BMP8A: variants seen among roughly 807,000 people sequenced by gnomAD.
BMP8A encodes the protein bone morphogenetic protein 8a.
In BMP8A, 14 loss-of-function variants were observed where a neutral mutation model predicts 36.8. The observed-to-expected ratio is 0.38, with a 90% confidence interval of 0.25 to 0.60. The LOEUF (loss-of-function observed/expected upper bound fraction) is 0.60. Ranked by LOEUF, BMP8A falls within the 20% of genes least tolerant of loss-of-function variation. BMP8A has a pLI of 0.63. For synonymous variants in BMP8A, 120 were observed against 237.7 expected (o/e 0.50, Z 4.55); for missense variants, 267 against 551.1 (o/e 0.48, Z 5.16).
At chr1:39,523,559 CA>C in intron 6 of BMP8A, 1 of 1,388,262 alleles carries the variant, frequency 7.2e-7, no homozygotes, top group Non-Finnish European at 9.4e-7. Flanking sequence ...TGCACTCACC[CA>C]CCTGTGCCGC....
intron 1 of BMP8A, among the ~76,000 whole-genome samples, chr1:39,499,541 T>G (rs1301154700): frequency 1.3e-5 from 2 of 152,248 alleles, no homozygotes; most frequent in African/African-American, 4.8e-5. Context: ...GAGCCCTTGT[T>G]GATGTCGAAC....
intron 1 of BMP8A, among the ~76,000 whole-genome samples, chr1:39,498,831 C>T (rs1454609650): frequency 2.0e-5 from 3 of 151,980 alleles, no homozygotes; most frequent in Non-Finnish European, 2.9e-5. Context: ...GGGGCCAGGC[C>T]GGGAGAGGAG....
At position 39,522,426 on chromosome 1, in the gene BMP8A, C is replaced by A; in HGVS notation, c.892C>A (p.Arg298=). 3.7e-6 allele frequency: 6 copies of A among 1,610,586 alleles called. No individual in the cohort carries two copies. Among genetic ancestry groups the A allele is most frequent in the Non-Finnish European group, 4.2e-6 (5 of 1,178,832 alleles). The part of the protein sequence containing the change: ...IFDDVRGSHG[R]QVCRRHELYV... The stretch of plus-strand genomic sequence containing the variant: ...AGATGACGTCCGCGGCTCCCACGGC[C>A]GGCAGGTCTGCCGTCGGCACGAGCT... Residue 298 remains arginine, a synonymous_variant, in exon 5 of 7, where the codon CGG becomes AGG. Coordinates refer to ENST00000331593, the MANE Select transcript of BMP8A (RefSeq NM_181809.4).
chr1:39,514,726 C>CG (rs1645381996), intron 3 of BMP8A, among the ~76,000 whole-genome samples: 2 of 152,164 alleles, frequency 1.3e-5, no homozygotes, highest in South Asian at 4.1e-4. Flanking sequence ...GTCCTGCGCC[C>CG]GGGCCTGTGC....
chr1:39,523,356 G>A (rs1427648775), intron 6 of BMP8A, among the ~76,000 whole-genome samples: 1 of 152,234 alleles, frequency 6.6e-6, no homozygotes. Context: ...AGTCGCGTAT[G>A]CATGCCTGTT....
intron 1 of BMP8A, among the ~76,000 whole-genome samples, chr1:39,500,632 CAA>C (rs34380723): frequency 1.2e-4 from 12 of 102,248 alleles, no homozygotes; most frequent in East Asian, 3.2e-4. Flanking sequence ...GAGTAATTTA[CAA>C]AAAAAAAAAA....
rs1268830575 is a variant in BMP8A at position 39,523,053 on chromosome 1, G to C, written c.995G>C (p.Gly332Ala). Residue 332 changes from glycine to alanine, a missense_variant, in exon 6 of 7, where the codon GGG (glycine) becomes GCG (alanine). Around this residue, in one of 7 missense-constraint regions of BMP8A, gnomAD observed 132 missense variants for 151.3 expected, o/e 0.87. Transcript: ENST00000331593. Reference sequence around the variant, plus strand: ...GGCTACTCAGCCTATTACTGTGAGGGGGAGTGCTCCTTCCCGCTGGACTCC... The same window carrying C: ...GGCTACTCAGCCTATTACTGTGAGGCGGAGTGCTCCTTCCCGCTGGACTCC... ...PQGYSAYYCE[G>A]ECSFPLDSCM... 1.2e-6 allele frequency: 2 copies of C among 1,613,744 alleles called. No homozygotes were observed. Among genetic ancestry groups the C allele is most frequent in the African/African-American group, 1.3e-5 (1 of 74,890 alleles).
At chr1:39,510,830 C>T (rs148499567) in intron 1 of BMP8A, among the ~76,000 whole-genome samples, 8 of 152,208 alleles carry the variant, frequency 5.3e-5, no homozygotes, top group Non-Finnish European at 1.0e-4. Context: ...AGCCTGGAAG[C>T]TCCCAGAGGA....
chr1:39,528,727 A>C lies in BMP8A; in HGVS notation c.*2929A>C, dbSNP rs1217102606. ...TTTTTTTTTTTTTTTAAAGACATACATGGTCTTGCTTTGTCGCCCAGGCTG... is the reference window on the plus strand; with the variant it reads ...TTTTTTTTTTTTTTTAAAGACATACCTGGTCTTGCTTTGTCGCCCAGGCTG... On this transcript the variant is annotated 3_prime_UTR_variant, in exon 7 of 7. Coordinates refer to ENST00000331593, the MANE Select transcript of BMP8A (RefSeq NM_181809.4). 6.8e-6 allele frequency among the ~76,000 whole-genome samples: 1 copy of C among 147,918 alleles called. No individual in the cohort carries two copies. The highest frequency in any genetic ancestry group is 1.5e-5 in the Non-Finnish European group (1 of 67,334).
intron 1 of BMP8A, among the ~76,000 whole-genome samples, chr1:39,496,133 GT>G (rs1645203311): frequency 6.6e-6 from 1 of 152,144 alleles, no homozygotes; most frequent in Admixed American, 6.5e-5. Context: ...ACTTCCTTTG[GT>G]TCTTTACCAG....
intron 3 of BMP8A, chr1:39,516,201 G>T: frequency 1.6e-6 from 1 of 611,980 alleles, no homozygotes; most frequent in Non-Finnish European, 2.5e-6. Flanking sequence ...GGCATGGGCG[G>T]TGCCATGGAC....
intron 3 of BMP8A, among the ~76,000 whole-genome samples, chr1:39,518,173 A>T (rs553505720): frequency 6.6e-6 from 1 of 152,104 alleles, no homozygotes; most frequent in Non-Finnish European, 1.5e-5. Context: ...CATGCACTGC[A>T]TAAGTGTAGC....
At chr1:39,525,263 A>G in intron 6 of BMP8A, 1 of 191,950 alleles carries the variant, frequency 5.2e-6, no homozygotes, top group Admixed American at 6.2e-5. Context: ...AAGGGCTATA[A>G]GAAGACAGTG....
At chr1:39,501,896 A>T (rs753357840) in intron 1 of BMP8A, among the ~76,000 whole-genome samples, 1 of 152,218 alleles carries the variant, frequency 6.6e-6, no homozygotes, top group Non-Finnish European at 1.5e-5. Context: ...TTCAGGTCTG[A>T]TCTTAGAGTA....
At chr1:39,514,975 T>C in intron 3 of BMP8A, 3 of 1,526,160 alleles carry the variant, frequency 2.0e-6, no homozygotes, top group Non-Finnish European at 2.6e-6. Flanking sequence ...CTGCGGCTCC[T>C]GGCGTCAGTG....
chr1:39,513,922 C>A (rs1645377120), intron 3 of BMP8A, among the ~76,000 whole-genome samples: 1 of 151,986 alleles, frequency 6.6e-6, no homozygotes, highest in South Asian at 2.1e-4. Context: ...AGGGAGGGAG[C>A]AGGACACCTG....
chr1:39,509,014 A>G (rs1180580521), intron 1 of BMP8A, among the ~76,000 whole-genome samples: 1 of 152,072 alleles, frequency 6.6e-6, no homozygotes, highest in Non-Finnish European at 1.5e-5. Context: ...GCGGGGAGGG[A>G]GGCCACAGCA....
Position 39,492,094 on chromosome 1 carries a change from C to T in BMP8A, c.103C>T (p.Arg35Cys), listed in dbSNP as rs1335276869. 6.0e-6 allele frequency: 7 copies of T among 1,162,298 alleles called. No individual in the cohort carries two copies. The highest frequency in any genetic ancestry group is 5.3e-6 in the Non-Finnish European group (5 of 946,580). The allele number at this position is 1,162,298 out of a possible 1,614,324, so 72.0% of individuals were successfully genotyped here. The change falls in exon 1 of 7, where the codon CGT becomes TGT. Residue 35 changes from arginine (R) to cysteine (C), a missense_variant. Physicochemically the swap from Arg to Cys is radical, Grantham distance 180. Transcript: ENST00000331593. ...LRPPPGCPQR[R>C]LGARERRDVQ... ...ACCCCCGCCCGGCTGTCCCCAGCGACGTCTGGGCGCGCGCGAGCGCCGGGA... is the reference window on the plus strand; with the variant it reads ...ACCCCCGCCCGGCTGTCCCCAGCGATGTCTGGGCGCGCGCGAGCGCCGGGA...
Position 39,495,059 on chromosome 1 carries a change from C to T in BMP8A, c.334+2734C>T, listed in dbSNP as rs533074549. 1.5e-3 allele frequency among the ~76,000 whole-genome samples: 227 copies of T among 152,264 alleles called. 2 individuals are homozygous for T. The highest frequency in any genetic ancestry group is 5.1e-3 in the African/African-American group (211 of 41,546). The stretch of plus-strand genomic sequence containing the variant: ...GTGGATAGACACGTACCAGGATGCT[C>T]TCAGTGTTTGGAGGCCCCTGAAGGT... On this transcript the variant is annotated intron_variant, in intron 1 of 6. Transcript: ENST00000331593.
Sources: allele counts gnomAD v4.1 joint callset (sites outside exome capture counted in the v4.1 genomes callset), GRCh38; gene constraint gnomAD v4.1.1; regional missense constraint gnomAD v4.1.1; transcripts MANE v1.5; gene names NCBI Gene and HGNC (gene_info 2026-07-23, HGNC 2026-07-21).